VPS13B: variants seen among roughly 807,000 people sequenced by gnomAD.
VPS13B encodes vacuolar protein sorting 13 homolog B.
A neutral mutation model predicts 426.4 loss-of-function variants in VPS13B; 285 were observed. The ratio of observed to expected loss-of-function variants is 0.67; its 90% CI spans 0.61 to 0.74. The LOEUF (loss-of-function observed/expected upper bound fraction) is 0.74. Among genes scored for constraint, VPS13B ranks in the 30% least tolerant of loss-of-function variants. The pLI is 0.00. For synonymous variants in VPS13B, 1,676 were observed against 1,676.4 expected, an observed-to-expected ratio of 1.00 and a Z score of 0.01; for missense variants, 4,537 against 4,782.6, an observed-to-expected ratio of 0.95 and a Z score of 1.51.
At chr8:99,548,216 T>C (rs897635536) in intron 30 of VPS13B, among the ~76,000 whole-genome samples, 1 of 152,078 alleles carries the variant, frequency 6.6e-6, no homozygotes, top group African/African-American at 2.4e-5. Context: ...AAACTTGGTG[T>C]ACTAAATCAA....
chr8:99,271,678 A>G (rs1353579386), intron 17 of VPS13B, among the ~76,000 whole-genome samples: 1 of 152,204 alleles, frequency 6.6e-6, no homozygotes, highest in African/African-American at 2.4e-5. Flanking sequence ...GGAAACTTAC[A>G]ATTATGGCAG....
chr8:99,748,075 C>T (rs1411733372), intron 39 of VPS13B, among the ~76,000 whole-genome samples: 1 of 151,980 alleles, frequency 6.6e-6, no homozygotes, highest in Non-Finnish European at 1.5e-5. Context: ...AAATTTGCCA[C>T]CTATAACCTG....
chr8:99,815,531 C>T (rs933058740), intron 44 of VPS13B, among the ~76,000 whole-genome samples: 24 of 151,920 alleles, frequency 1.6e-4, no homozygotes, highest in African/African-American at 5.8e-4. Flanking sequence ...GTTCATCTCA[C>T]TCAGAAACAC....
At chr8:99,365,260 A>G (rs1183889624) in intron 19 of VPS13B, among the ~76,000 whole-genome samples, 1 of 149,092 alleles carries the variant, frequency 6.7e-6, no homozygotes, top group Admixed American at 6.7e-5. Context: ...CTTCATTTCA[A>G]TTTCATTTAT....
Position 99,274,291 on chromosome 8 carries a change from C to T in VPS13B, c.2609C>T (p.Ser870Phe), listed in dbSNP as rs376044341. 3.1e-6 allele frequency: 5 copies of T among 1,614,118 alleles called. No individual in the cohort carries two copies. The highest frequency in any genetic ancestry group is 4.2e-6 in the Non-Finnish European group (5 of 1,180,018). ...YCSTSLVKCA[S>F]GTMGSIKICA... ...AGCACATCATTGGTCAAATGTGCCT[C>T]TGGGACCATGGGATCAATAAAAATT... The change falls in exon 18 of 62, where the codon TCT becomes TTT. Residue 870 changes from serine (S) to phenylalanine (F), a missense_variant. Ser to Phe is a radical substitution (Grantham distance 155). Coordinates refer to ENST00000357162, the MANE Select transcript of VPS13B (RefSeq NM_152564.5).
At chr8:99,533,642 T>C (rs1449774234) in intron 30 of VPS13B, among the ~76,000 whole-genome samples, 1 of 152,216 alleles carries the variant, frequency 6.6e-6, no homozygotes, top group Non-Finnish European at 1.5e-5. Context: ...ATTCTTTTAT[T>C]GATGAGCTTA....
chr8:99,240,740 G>T (rs1310447998), intron 17 of VPS13B: 1 of 152,550 alleles, frequency 6.6e-6, no homozygotes, highest in Non-Finnish European at 1.5e-5. Flanking sequence ...CAAAAACTTA[G>T]TAAGTAAGCA....
At chr8:99,318,474 C>A (rs1257749740) in intron 19 of VPS13B, among the ~76,000 whole-genome samples, 1 of 151,952 alleles carries the variant, frequency 6.6e-6, no homozygotes, top group East Asian at 1.9e-4. Context: ...TAAGGAACTT[C>A]AATATAAGAA....
chr8:99,455,213 T>G (rs1183876884), intron 23 of VPS13B, among the ~76,000 whole-genome samples: 1 of 152,180 alleles, frequency 6.6e-6, no homozygotes, highest in Non-Finnish European at 1.5e-5. Context: ...CCTGTTATCT[T>G]TTAGGAGTTT....
intron 17 of VPS13B, among the ~76,000 whole-genome samples, chr8:99,249,614 G>T (rs1180112945): frequency 6.6e-6 from 1 of 151,952 alleles, no homozygotes. Flanking sequence ...TAGTAGAGAC[G>T]GGGTTTCACT....
intron 19 of VPS13B, chr8:99,347,428 T>TATCA (rs1811600028): frequency 5.9e-6 from 1 of 170,708 alleles, no homozygotes; most frequent in Non-Finnish European, 1.3e-5. Flanking sequence ...TATCTTGGAT[T>TATCA]GGCATTGTCT....
intron 16 of VPS13B, among the ~76,000 whole-genome samples, chr8:99,183,479 A>G (rs1399451939): frequency 6.6e-6 from 1 of 152,066 alleles, no homozygotes; most frequent in Admixed American, 6.5e-5. Context: ...AGATGTTTGG[A>G]TAAACAATGA....
intron 39 of VPS13B, among the ~76,000 whole-genome samples, chr8:99,766,071 T>TG (rs1249705282): frequency 5.4e-5 from 7 of 130,624 alleles, no homozygotes; most frequent in Admixed American, 3.0e-4. Flanking sequence ...CATTACTTTT[T>TG]TTTTTTTTTT....
At chr8:99,531,525 AAAAG>A (rs1419814401) in intron 30 of VPS13B, among the ~76,000 whole-genome samples, 1 of 152,190 alleles carries the variant, frequency 6.6e-6, no homozygotes, top group Non-Finnish European at 1.5e-5. Flanking sequence ...TTATGAAAGA[AAAAG>A]AGATGTTAAA....
At chr8:99,358,369 A>C (rs1240996322) in intron 19 of VPS13B, among the ~76,000 whole-genome samples, 3 of 152,186 alleles carry the variant, frequency 2.0e-5, no homozygotes, top group Non-Finnish European at 4.4e-5. Context: ...GTGTCCCACT[A>C]TTCATTGGTA....
chr8:99,083,908 C>T (rs1845623307), intron 3 of VPS13B, among the ~76,000 whole-genome samples: 2 of 148,666 alleles, frequency 1.3e-5, no homozygotes, highest in South Asian at 4.4e-4. Context: ...GGATATTGGT[C>T]TAAAATTGTC....
chr8:99,121,788 C>T (rs1395750265), intron 8 of VPS13B: 1 of 213,464 alleles, frequency 4.7e-6, no homozygotes, highest in Non-Finnish European at 9.1e-6. Context: ...TTTTACCTGT[C>T]AGGTACGGTT....
chr8:99,640,031 G>T lies in VPS13B; in HGVS notation c.5221-1780G>T, dbSNP rs868526226. ...ATAATAATAATAATAATAATAAGAA[G>T]AAGAAGAAGAAGAAGAAGAGAAAAG... On this transcript the variant is annotated intron_variant, in intron 33 of 61. Coordinates refer to ENST00000357162, the MANE Select transcript of VPS13B (RefSeq NM_152564.5). Among the ~76,000 whole-genome samples, 537 of 110,744 alleles carry T rather than the reference G, an allele frequency of 4.8e-3. 6 individuals are homozygous for T. The highest frequency in any genetic ancestry group is 6.1e-3 in the Non-Finnish European group (341 of 55,576). 72.7% of individuals were successfully genotyped at this position (110,744 alleles called of 152,430 possible).
At chr8:99,058,860 G>A (rs1844028871) in intron 3 of VPS13B, among the ~76,000 whole-genome samples, 1 of 152,126 alleles carries the variant, frequency 6.6e-6, no homozygotes, top group African/African-American at 2.4e-5. Context: ...GTGGATTTTG[G>A]TGCTGTTGAT....
Sources: allele counts gnomAD v4.1 joint callset (sites outside exome capture counted in the v4.1 genomes callset), GRCh38; gene constraint gnomAD v4.1.1; transcripts MANE v1.5; gene names NCBI Gene and HGNC (gene_info 2026-07-23, HGNC 2026-07-21).